The following PALB2 variants were observed in gnomAD, a reference collection of about 807,000 sequenced individuals.
PALB2 encodes partner and localizer of BRCA2.
In PALB2, 82 loss-of-function variants were observed where a neutral mutation model predicts 107.4. The observed-to-expected ratio is 0.76, with a 90% CI of 0.64 to 0.92. The LOEUF (loss-of-function observed/expected upper bound fraction) is 0.92. Ranked by LOEUF, PALB2 falls within the 40% of genes least tolerant of loss-of-function variation. The pLI is 0.00. For synonymous variants in PALB2, 489 were observed against 496.8 expected (o/e 0.98, Z 0.21); for missense variants, 1,374 against 1,379.9 (o/e 1.00, Z 0.07).
chr16:23,634,180 G>A (rs778727688), intron 4 of PALB2, among the ~76,000 whole-genome samples: 34 of 152,248 alleles, frequency 2.2e-4, no homozygotes, highest in Non-Finnish European at 5.0e-4. Context: ...GTGAACTCTG[G>A]CACCATACCG....
At chr16:23,606,482 G>A (rs1447343908) in intron 12 of PALB2, among the ~76,000 whole-genome samples, 2 of 152,116 alleles carry the variant, frequency 1.3e-5, no homozygotes, top group Admixed American at 6.6e-5. Flanking sequence ...CTTTGCATAA[G>A]GTCCAAAAAA....
At chr16:23,627,493 CAAAAAAAAA>C (rs749429582) in intron 6 of PALB2, among the ~76,000 whole-genome samples, 1 of 54,714 alleles carries the variant, frequency 1.8e-5, no homozygotes, top group African/African-American at 7.1e-5. Flanking sequence ...GACTCCGTCT[CAAAAAAAAA>C]AAAAAAAAAG....
At chr16:23,615,048 C>T (rs1043001352) in intron 10 of PALB2, among the ~76,000 whole-genome samples, 4 of 151,224 alleles carry the variant, frequency 2.6e-5, no homozygotes, top group Middle Eastern at 3.4e-3. Flanking sequence ...TCCCAGGTTC[C>T]AGCAATTCTT....
At chr16:23,628,820 G>A (rs1966852357) in intron 6 of PALB2, among the ~76,000 whole-genome samples, 1 of 152,086 alleles carries the variant, frequency 6.6e-6, no homozygotes, top group Non-Finnish European at 1.5e-5. Context: ...TTTTAGTAGA[G>A]ATGGGGTTTC....
intron 5 of PALB2, 74 bp from the exon 6 acceptor site, chr16:23,629,349 A>G: frequency 7.6e-7 from 1 of 1,313,152 alleles, no homozygotes; most frequent in Non-Finnish European, 1.1e-6. Flanking sequence ...ACTCATCAAA[A>G]TGTCTACTTC....
At chr16:23,626,644 C>T (rs11862426) in intron 6 of PALB2, among the ~76,000 whole-genome samples, 1 of 151,998 alleles carries the variant, frequency 6.6e-6, no homozygotes, top group Non-Finnish European at 1.5e-5. Context: ...GTTTTTGGGA[C>T]TGAGTCTCAC....
intron 11 of PALB2, among the ~76,000 whole-genome samples, chr16:23,608,797 T>TACACACACAC (rs1310999089): frequency 2.0e-4 from 22 of 111,330 alleles, no homozygotes; most frequent in African/African-American, 5.6e-4. Flanking sequence ...TGTGTGTATA[T>TACACACACAC]ATATACACAC....
rs1060502759 is a variant in PALB2, at chr16:23,630,446, CT to C, written c.1707del (p.Glu570ArgfsTer29). The C allele has an allele frequency of 6.2e-7, 1 of 1,613,328 alleles. No homozygotes were observed. Among genetic ancestry groups the C allele is most frequent in the Non-Finnish European group, 8.5e-7 (1 of 1,179,652 alleles). On this transcript the variant is annotated frameshift_variant, in exon 5 of 13. Transcript: ENST00000261584. LOFTEE classifies it high-confidence loss of function. ...CTATTACTCCAAGAAAGGGAATCCTCTTTTTGATGACGACTTTTCTTCCCTA... is the reference window on the plus strand; with the variant it reads ...CTATTACTCCAAGAAAGGGAATCCTCTTTTGATGACGACTTTTCTTCCCTA... ...QVKGKKSRHQKEDSLSWSNSA... is the reference protein window; with the variant it reads ...QVKGKKSRHQXEDSLSWSNSA...
chr16:23,620,961 C>A (rs1353715842), intron 10 of PALB2, among the ~76,000 whole-genome samples: 3 of 152,206 alleles, frequency 2.0e-5, no homozygotes, highest in African/African-American at 7.2e-5. Flanking sequence ...GTAATCCCTG[C>A]ATTTTGGGAG....
At chr16:23,611,071 A>G (rs1966576094) in intron 11 of PALB2, among the ~76,000 whole-genome samples, 1 of 141,492 alleles carries the variant, frequency 7.1e-6, no homozygotes, top group Non-Finnish European at 1.6e-5. Context: ...GATGAATTCA[A>G]CTGTCAGTCT....
At chr16:23,625,847 G>A (rs1966841553) in intron 7 of PALB2, among the ~76,000 whole-genome samples, 1 of 151,788 alleles carries the variant, frequency 6.6e-6, no homozygotes, top group Non-Finnish European at 1.5e-5. Context: ...CAGACATGGT[G>A]GTGCATGCCT....
intron 10 of PALB2, among the ~76,000 whole-genome samples, chr16:23,619,971 G>A (rs547065968): frequency 1.3e-5 from 2 of 152,070 alleles, no homozygotes; most frequent in African/African-American, 4.8e-5. Context: ...GTAGAGCTGG[G>A]GTTTTGCCTT....
Position 23,629,806 on chromosome 16 carries a change from G to T in PALB2, c.2348C>A (p.Ala783Glu), listed in dbSNP as rs1473991269. 6.2e-7 allele frequency: 1 copy of T among 1,614,178 alleles called. No individual in the cohort carries two copies. ...TKQFDSSGSPAKPHTTLQVSG... is the reference protein window; with the variant it reads ...TKQFDSSGSPEKPHTTLQVSG... ...CACTTGCAGGGTGGTATGTGGTTTT[G>T]CTGGGCTGCCTGAACTGTCGAATTG... is the stretch of plus-strand genomic sequence containing the variant. Residue 783 changes from alanine to glutamate, a missense_variant, in exon 5 of 13, where the codon GCA becomes GAA. By Grantham distance (107) the Ala-to-Glu change is moderately radical. Transcript: ENST00000261584.
At position 23,636,150 on chromosome 16, in the gene PALB2, G is replaced by A. The variant is rs1567222949; in HGVS notation, c.396C>T (p.Val132=). 1 of 1,612,608 alleles carries A rather than the reference G, an allele frequency of 6.2e-7. No homozygotes were observed. The highest frequency in any genetic ancestry group is 1.1e-5 in the South Asian group (1 of 90,826). ...GCTTTTGCTCACCACTAGGGTCACT[G>A]ACCCTGTGGGGAAAATGTTCTTGGG... ...DDTQEHFPHR[V]SDPSGEQKQK... The change falls in exon 4 of 13, where the codon GTC becomes GTT. Residue 132 remains valine, a synonymous_variant. Coordinates refer to ENST00000261584, the MANE Select transcript of PALB2 (RefSeq NM_024675.4).
chr16:23,625,031 T>C (rs2142347978), intron 7 of PALB2, among the ~76,000 whole-genome samples: 1 of 152,246 alleles, frequency 6.6e-6, no homozygotes. Context: ...CCAACAGGTC[T>C]AGTGTAAAAA....
chr16:23,634,217 TTTAA>T (rs1966926242), intron 4 of PALB2, among the ~76,000 whole-genome samples: 1 of 152,250 alleles, frequency 6.6e-6, no homozygotes, highest in African/African-American at 2.4e-5. Flanking sequence ...GCTCTGTGAT[TTTAA>T]TTAAATTAAG....
chr16:23,640,656 C>A (rs1373151124), intron 1 of PALB2: 4 of 245,368 alleles, frequency 1.6e-5, no homozygotes, highest in Non-Finnish European at 2.4e-5. Context: ...CCATTCAGAT[C>A]ATACCATTTA....
intron 3 of PALB2, among the ~76,000 whole-genome samples, chr16:23,637,388 G>T (rs1444387731): frequency 6.6e-6 from 1 of 151,642 alleles, no homozygotes; most frequent in Non-Finnish European, 1.5e-5. Flanking sequence ...AGATTTTACG[G>T]CATATGAATT....
chr16:23,629,579 T>G, intron 5 of PALB2, 61 bp downstream of exon 5: 2 of 1,510,392 alleles, frequency 1.3e-6, no homozygotes, highest in South Asian at 2.3e-5. Flanking sequence ...GTCATGCTGT[T>G]TACATTCACT....
Sources: allele counts gnomAD v4.1 joint callset (sites outside exome capture counted in the v4.1 genomes callset), GRCh38; gene constraint gnomAD v4.1.1; transcripts MANE v1.5; gene names NCBI Gene and HGNC (gene_info 2026-07-23, HGNC 2026-07-21).